Variants in RYR2 observed in about 807,000 individuals in gnomAD.
The protein encoded by RYR2 is cardiac muscle ryanodine receptor-calcium release channel.
Under a neutral mutation model 601.1 loss-of-function variants are expected in RYR2, and 227 were observed. The ratio of observed to expected loss-of-function variants is 0.38; its 90% CI spans 0.34 to 0.42. RYR2 has a LOEUF of 0.42. RYR2 is among the 10% of genes least tolerant of loss of function. The probability of loss-of-function intolerance (pLI) is 1.00; values close to 1 mark genes in which losing one functional copy is unlikely to be tolerated. For synonymous variants in RYR2, 2,223 were observed against 2,175.1 expected, an observed-to-expected ratio of 1.02 and a Z score of -0.61; for missense variants, 4,646 against 6,156.5, an observed-to-expected ratio of 0.75 and a Z score of 8.21.
chr1:237,778,728 C>G lies in RYR2; in HGVS notation c.11838C>G (p.Gly3946=). The part of the protein sequence containing the change: ...AHSRLWDAVV[G]FLHVFAHMQM... The stretch of plus-strand genomic sequence containing the variant: ...GCAGGCTGTGGGATGCTGTGGTCGG[C>G]TTTCTTCATGTGTTTGCCCATATGC... The change falls in exon 88 of 105, where the codon GGC becomes GGG. Residue 3946 remains glycine (G), a synonymous_variant. Transcript: ENST00000366574. 6.2e-7 allele frequency: 1 copy of G among 1,612,100 alleles called. No homozygotes were observed.
At chr1:237,750,088 G>A (rs1329437674) in intron 80 of RYR2, among the ~76,000 whole-genome samples, 1 of 152,190 alleles carries the variant, frequency 6.6e-6, no homozygotes, top group Admixed American at 6.5e-5. Context: ...GGAGGTTGCA[G>A]TGAGCCAAGA....
chr1:237,421,066 C>T (rs1705515305), intron 11 of RYR2, among the ~76,000 whole-genome samples: 1 of 152,116 alleles, frequency 6.6e-6, no homozygotes, highest in Non-Finnish European at 1.5e-5. Context: ...TGATGAAACC[C>T]CGTCTCTACT....
intron 23 of RYR2, among the ~76,000 whole-genome samples, chr1:237,508,933 G>A (rs1015683892): frequency 2.0e-5 from 3 of 151,094 alleles, no homozygotes; most frequent in Admixed American, 1.3e-4. Flanking sequence ...TAGTAGAGAC[G>A]GGGTTTCACC....
chr1:237,148,704 G>GT (rs1446299934), intron 1 of RYR2, among the ~76,000 whole-genome samples: 1 of 151,662 alleles, frequency 6.6e-6, no homozygotes. Context: ...TTTCAATCCT[G>GT]TTTCTGGCTG....
chr1:237,333,646 A>G, intron 3 of RYR2: 1 of 456,048 alleles, frequency 2.2e-6, no homozygotes, highest in Middle Eastern at 3.3e-4. Flanking sequence ...TATGTGACTC[A>G]TGGATGCTGC....
At chr1:237,644,387 C>G (rs1226788922) in intron 48 of RYR2, among the ~76,000 whole-genome samples, 1 of 151,688 alleles carries the variant, frequency 6.6e-6, no homozygotes, top group Non-Finnish European at 1.5e-5. Flanking sequence ...CATGTGTCAC[C>G]ACGTTGGGCT....
chr1:237,212,880 T>G (rs1161947483), intron 1 of RYR2, among the ~76,000 whole-genome samples: 1 of 151,974 alleles, frequency 6.6e-6, no homozygotes, highest in Non-Finnish European at 1.5e-5. Context: ...GTTCAAGCAA[T>G]TCTGCCTCAG....
intron 73 of RYR2, among the ~76,000 whole-genome samples, chr1:237,722,595 G>A (rs7543103): frequency 1.4e-3 from 217 of 151,880 alleles, no homozygotes; most frequent in African/African-American, 4.4e-3. Context: ...CACCACGCCT[G>A]GCTAATTTTT....
intron 100 of RYR2, among the ~76,000 whole-genome samples, chr1:237,814,518 G>A (rs1248776580): frequency 1.3e-5 from 2 of 150,922 alleles, no homozygotes; most frequent in African/African-American, 4.9e-5. Flanking sequence ...AGTAGGGGGC[G>A]CCATAGCTGC....
chr1:237,605,244 C>A (rs1676983259), intron 35 of RYR2, among the ~76,000 whole-genome samples: 1 of 152,152 alleles, frequency 6.6e-6, no homozygotes. Flanking sequence ...GGGCTTCATC[C>A]CTGGGATGCA....
chr1:237,199,909 G>A (rs1221513117), intron 1 of RYR2, among the ~76,000 whole-genome samples: 1 of 152,056 alleles, frequency 6.6e-6, no homozygotes. Context: ...ATTCCAAATT[G>A]TGCCAATTTG....
At chr1:237,693,556 A>G (rs920998867) in intron 63 of RYR2, among the ~76,000 whole-genome samples, 7 of 152,326 alleles carry the variant, frequency 4.6e-5, no homozygotes, top group African/African-American at 1.7e-4. Context: ...TTTGTAATAC[A>G]ATGAGCATAA....
chr1:237,524,773 A>G (rs1245149514), intron 24 of RYR2, among the ~76,000 whole-genome samples: 3 of 150,842 alleles, frequency 2.0e-5, no homozygotes, highest in African/African-American at 7.4e-5. Context: ...GATTCCTTAA[A>G]GAATTGGCAG....
chr1:237,391,009 A>T (rs889061550), intron 10 of RYR2, among the ~76,000 whole-genome samples: 2 of 152,174 alleles, frequency 1.3e-5, no homozygotes, highest in Admixed American at 6.6e-5. Context: ...AGCTGAAGGG[A>T]TGTTGCTTAA....
chr1:237,378,531 A>C (rs1305536386), intron 8 of RYR2, among the ~76,000 whole-genome samples: 1 of 152,212 alleles, frequency 6.6e-6, no homozygotes, highest in Non-Finnish European at 1.5e-5. Flanking sequence ...ATTCACATGA[A>C]AAATCCCAGG....
At chr1:237,730,767 G>C (rs944368619) in intron 77 of RYR2, among the ~76,000 whole-genome samples, 4 of 152,120 alleles carry the variant, frequency 2.6e-5, no homozygotes, top group African/African-American at 9.7e-5. Context: ...CAACAGGGCA[G>C]AGAATGATAG....
intron 33 of RYR2, 21 bp downstream of exon 33, chr1:237,593,657 T>G (rs1252588068): frequency 6.2e-7 from 1 of 1,612,916 alleles, no homozygotes; most frequent in Non-Finnish European, 8.5e-7. Context: ...CTCAATTTTT[T>G]GCAAGAATGA....
At chr1:237,148,088 A>G (rs931494417) in intron 1 of RYR2, among the ~76,000 whole-genome samples, 5 of 152,168 alleles carry the variant, frequency 3.3e-5, no homozygotes, top group African/African-American at 1.2e-4. Context: ...CGTGTCACAC[A>G]TATATTATGG....
chr1:237,709,013 C>T lies in RYR2; in HGVS notation c.10057C>T (p.Leu3353Phe). The change falls in exon 69 of 105, where the codon CTC becomes TTC. Residue 3353 changes from leucine to phenylalanine, a missense_variant. Leu to Phe is a conservative substitution (Grantham distance 22). Coordinates refer to ENST00000366574, the MANE Select transcript of RYR2 (RefSeq NM_001035.3). ...EARGDMSEAE[L>F]LILDEFTTLA... ...CAGGGGGGACATGTCGGAGGCAGAA[C>T]TCCTCATCCTAGATGAGTTCACCAC... 1.2e-6 allele frequency: 2 copies of T among 1,613,186 alleles called. No homozygotes were observed. The highest frequency in any genetic ancestry group is 1.1e-5 in the South Asian group (1 of 91,042).
Sources: allele counts gnomAD v4.1 joint callset (sites outside exome capture counted in the v4.1 genomes callset), GRCh38; gene constraint gnomAD v4.1.1; transcripts MANE v1.5; gene names NCBI Gene and HGNC (gene_info 2026-07-23, HGNC 2026-07-21).